Variants in COL27A1 observed in about 807,000 individuals in gnomAD.
The protein encoded by COL27A1 is collagen alpha-1(XXVII) chain.
COL27A1 carries 106 observed loss-of-function variants against 251.3 expected under a neutral mutation model. The ratio of observed to expected loss-of-function variants is 0.42; its 90% confidence interval spans 0.36 to 0.50. COL27A1 has a LOEUF of 0.50. Among genes scored for constraint, COL27A1 ranks in the 20% least tolerant of loss-of-function variants. The pLI, the probability that COL27A1 is intolerant of heterozygous loss-of-function variation, is 0.00. For missense variants in COL27A1, 2,325 were observed against 2,522.8 expected, an observed-to-expected ratio of 0.92 and a Z score of 1.68; for synonymous variants, 1,000 against 986.3, an observed-to-expected ratio of 1.01 and a Z score of -0.26.
chr9:114,290,977 T>A lies in COL27A1; in HGVS notation c.4476+60T>A. On this transcript the variant is annotated intron_variant, in intron 48 of 60. Coordinates refer to ENST00000356083, the MANE Select transcript of COL27A1 (RefSeq NM_032888.4). This position sits in a 1 kb window ranked among gnomAD's most constrained non-coding sequence, Gnocchi z 4.6. The stretch of plus-strand genomic sequence containing the variant: ...GCCCTTTCTGCCTTGATGCAGACTC[T>A]AGTGGTTCCGACCCTTTGGGCACCC... 2.3e-6 allele frequency: 3 copies of A among 1,301,790 alleles called. No individual in the cohort carries two copies. The highest frequency in any genetic ancestry group is 1.1e-6 in the Non-Finnish European group (1 of 934,754). The allele number at this position is 1,301,790 out of a possible 1,614,324, so 80.6% of individuals were successfully genotyped here. A position where few individuals can be genotyped will look rare whatever the true frequency, so the allele number is the denominator to read the frequency against.
chr9:114,167,709 C>A lies in COL27A1; in HGVS notation c.154C>A (p.Leu52Met). ...CTCAGATGTGGACATCCTCCAGCGGCTGGGCCTCAGCTGGACGAAGGCCGG... is the reference window on the plus strand; with the variant it reads ...CTCAGATGTGGACATCCTCCAGCGGATGGGCCTCAGCTGGACGAAGGCCGG... ...APEDVDILQR[L>M]GLSWTKAGSP... The change falls in exon 3 of 61, where the codon CTG becomes ATG. Residue 52 changes from leucine (L) to methionine (M), a missense_variant. Coordinates refer to ENST00000356083, the MANE Select transcript of COL27A1 (RefSeq NM_032888.4). The A allele has an allele frequency of 6.2e-7, 1 of 1,612,192 alleles. No individual in the cohort carries two copies. Among genetic ancestry groups the A allele is most frequent in the African/African-American group, 1.3e-5 (1 of 75,028 alleles).
chr9:114,305,684 G>A (rs902106166), intron 57 of COL27A1, among the ~76,000 whole-genome samples: 5 of 152,212 alleles, frequency 3.3e-5, no homozygotes, highest in Non-Finnish European at 7.3e-5. Flanking sequence ...CGGGGAAAGA[G>A]AGTGTAGAGA....
intron 37 of COL27A1, among the ~76,000 whole-genome samples, chr9:114,281,174 A>G (rs1439151813): frequency 6.6e-6 from 1 of 152,258 alleles, no homozygotes. Flanking sequence ...TACCAAGAGC[A>G]TAGACATTCT....
chr9:114,177,147 AACGGGGAGCATCTGAGACTCAGAT>A (rs1490609175), intron 3 of COL27A1, among the ~76,000 whole-genome samples: 8 of 152,170 alleles, frequency 5.3e-5, no homozygotes, highest in Admixed American at 5.2e-4. Context: ...GACCCATCTT[AACGGGGAGCATCTGAGACTCAGAT>A]AAGTGGGAGG....
intron 14 of COL27A1, among the ~76,000 whole-genome samples, chr9:114,226,854 G>A (rs1831505261): frequency 6.6e-6 from 1 of 152,242 alleles, no homozygotes. Context: ...TGGTCTGGGG[G>A]CAGCACAGGT....
At chr9:114,196,058 G>C in intron 7 of COL27A1, 46 bp downstream of exon 7, 1 of 1,548,952 alleles carries the variant, frequency 6.5e-7, no homozygotes, top group Non-Finnish European at 8.9e-7. Context: ...GGGCCTCCTA[G>C]CAAGCCAGGT....
At position 114,155,989 on chromosome 9, in the gene COL27A1, G is replaced by A; in HGVS notation, c.39G>A (p.Ala13=). 1 of 1,215,196 alleles carries A rather than the reference G, an allele frequency of 8.2e-7. No individual in the cohort carries two copies. The highest frequency in any genetic ancestry group is 3.4e-5 in the South Asian group (1 of 29,632). The allele number at this position is 1,215,196 out of a possible 1,614,324, so 75.3% of individuals were successfully genotyped here. ...CGGCGCGGGGGGCCCGAGGCACAGC[G>A]GCGGCGGCGGCGGCGCGCGGGGGGT... ...AGSARGARGT[A]AAAAARGGGF... is the part of the protein sequence containing the mutation. The change falls in exon 1 of 61, where the codon GCG becomes GCA. Residue 13 remains alanine, a synonymous_variant. Coordinates refer to ENST00000356083, the MANE Select transcript of COL27A1 (RefSeq NM_032888.4). The surrounding 1 kb of genome is among the most constrained non-coding windows in gnomAD (Gnocchi z 5.5).
chr9:114,304,771 T>A, intron 57 of COL27A1, 98 bp downstream of exon 57: 1 of 1,057,280 alleles, frequency 9.5e-7, no homozygotes, highest in Non-Finnish European at 1.4e-6. Context: ...GTGGCCTGCA[T>A]GGAGCATTTC....
At chr9:114,276,750 G>A (rs549805700) in intron 37 of COL27A1, among the ~76,000 whole-genome samples, 1 of 152,318 alleles carries the variant, frequency 6.6e-6, no homozygotes, top group South Asian at 2.1e-4. Flanking sequence ...AGACCCTCAC[G>A]AGCATCTTCC....
chr9:114,267,605 C>T (rs1197650651), intron 34 of COL27A1, 48 bp downstream of exon 34: 21 of 1,520,888 alleles, frequency 1.4e-5, no homozygotes, highest in South Asian at 2.3e-5. Context: ...AAACCAGCTC[C>T]CAGATGGTGG....
At chr9:114,289,422 C>T in intron 45 of COL27A1, 127 bp downstream of exon 45, 3 of 855,672 alleles carry the variant, frequency 3.5e-6, no homozygotes, top group Non-Finnish European at 3.6e-6. Flanking sequence ...GGCGGCCCAC[C>T]AGGAGCCCGG....
chr9:114,263,685 G>T (rs892341848), intron 28 of COL27A1, among the ~76,000 whole-genome samples: 2 of 152,036 alleles, frequency 1.3e-5, no homozygotes, highest in Non-Finnish European at 2.9e-5. Context: ...CTGCCCCTGG[G>T]GTCTCCCAGC....
At position 114,310,217 on chromosome 9, in the gene COL27A1, A is replaced by G. The variant is rs151105524; in HGVS notation, c.5437-332A>G. ...TGTACCCAAACCCCACCTGTTCCCCAAAAACTTATTGAAAAAATAAATTAA... is the reference window on the plus strand; with the variant it reads ...TGTACCCAAACCCCACCTGTTCCCCGAAAACTTATTGAAAAAATAAATTAA... On this transcript the variant is annotated intron_variant, in intron 60 of 60. Transcript: ENST00000356083. Among the ~76,000 whole-genome samples, 40 of 152,260 alleles carry G rather than the reference A, an allele frequency of 2.6e-4. 1 individual carries two copies. Among genetic ancestry groups the G allele is most frequent in the Admixed American group, 2.4e-3 (36 of 15,288 alleles).
At chr9:114,303,385 C>A (rs902652627) in intron 56 of COL27A1, among the ~76,000 whole-genome samples, 1 of 151,794 alleles carries the variant, frequency 6.6e-6, no homozygotes, top group African/African-American at 2.4e-5. Flanking sequence ...ATTATAGGCG[C>A]GAACCACCAC....
chr9:114,203,795 A>G (rs564555392), intron 7 of COL27A1, among the ~76,000 whole-genome samples: 1 of 152,132 alleles, frequency 6.6e-6, no homozygotes, highest in Non-Finnish European at 1.5e-5. Context: ...GGAGCTGTAC[A>G]TGTCTGGAGA....
At chr9:114,205,508 T>A (rs1381112382) in intron 8 of COL27A1, among the ~76,000 whole-genome samples, 1 of 152,224 alleles carries the variant, frequency 6.6e-6, no homozygotes, top group Non-Finnish European at 1.5e-5. Flanking sequence ...CCTGCCAGCA[T>A]GGGAGAACCA....
rs1364075999 is a variant in COL27A1 at position 114,183,052 on chromosome 9, C to G, written c.1993C>G (p.Leu665Val). The change falls in exon 5 of 61, where the codon CTC (leucine) becomes GTC (valine). Residue 665 changes from leucine to valine, a missense_variant. Transcript: ENST00000356083. ...TCCTGGGCCTTATGGAAATCCAGGTCTCCCCGGCCCTCCTGGAGCCAAAGT... is the reference window on the plus strand; with the variant it reads ...TCCTGGGCCTTATGGAAATCCAGGTGTCCCCGGCCCTCCTGGAGCCAAAGT... ...GPPGPYGNPG[L>V]PGPPGAKGQK... 1 of 1,613,452 alleles carries G rather than the reference C, an allele frequency of 6.2e-7. No homozygotes were observed. The highest frequency in any genetic ancestry group is 8.5e-7 in the Non-Finnish European group (1 of 1,179,936).
intron 48 of COL27A1, among the ~76,000 whole-genome samples, chr9:114,291,680 C>A (rs139130295): frequency 6.6e-6 from 1 of 152,074 alleles, no homozygotes; most frequent in Non-Finnish European, 1.5e-5. Context: ...ATTGGGGAGG[C>A]AGAGGTTGCA....
intron 27 of COL27A1, among the ~76,000 whole-genome samples, chr9:114,257,167 C>A (rs57185894): frequency 6.6e-6 from 1 of 152,312 alleles, no homozygotes; most frequent in East Asian, 1.9e-4. Context: ...CAAGAGTTCG[C>A]TCTGAGGCAC....
Sources: allele counts gnomAD v4.1 joint callset (sites outside exome capture counted in the v4.1 genomes callset), GRCh38; gene constraint gnomAD v4.1.1; non-coding constraint Gnocchi (gnomAD v3.1); transcripts MANE v1.5; gene names NCBI Gene and HGNC (gene_info 2026-07-23, HGNC 2026-07-21).